EPHA3: variants seen among roughly 807,000 people sequenced by gnomAD.
The protein encoded by EPHA3 is ephrin type-A receptor 3.
EPHA3 carries 42 observed loss-of-function variants against 107.1 expected under a neutral mutation model. The ratio of observed to expected loss-of-function variants is 0.39; its 90% CI spans 0.31 to 0.51. EPHA3 has a LOEUF of 0.51. Ranked by LOEUF, EPHA3 falls within the 20% of genes least tolerant of loss-of-function variation. The pLI is 0.78. For synonymous variants in EPHA3, 461 were observed against 424.8 expected (o/e 1.09, Z -1.05); for missense variants, 1,183 against 1,211.2 (o/e 0.98, Z 0.35).
intron 3 of EPHA3, among the ~76,000 whole-genome samples, chr3:89,314,465 A>T (rs780401099): frequency 6.6e-6 from 1 of 152,004 alleles, no homozygotes; most frequent in Non-Finnish European, 1.5e-5. Context: ...TACTGTATTA[A>T]TCAAAGATCC....
At chr3:89,324,626 A>T (rs1475613078) in intron 3 of EPHA3, among the ~76,000 whole-genome samples, 1 of 152,108 alleles carries the variant, frequency 6.6e-6, no homozygotes, top group African/African-American at 2.4e-5. Context: ...TTATACATAC[A>T]CACTGTGAAA....
intron 2 of EPHA3, among the ~76,000 whole-genome samples, chr3:89,139,546 A>T (rs955178870): frequency 2.6e-5 from 4 of 151,854 alleles, no homozygotes; most frequent in African/African-American, 9.7e-5. Context: ...ATCTTGTGAA[A>T]ACGTTTATTG....
chr3:89,390,912 C>T (rs1373650414), intron 5 of EPHA3, among the ~76,000 whole-genome samples: 3 of 151,416 alleles, frequency 2.0e-5, no homozygotes, highest in African/African-American at 4.9e-5. Context: ...CTCAGCCTCC[C>T]GAGTAGCTGG....
chr3:89,237,583 G>A (rs989555796), intron 3 of EPHA3, among the ~76,000 whole-genome samples: 11 of 152,106 alleles, frequency 7.2e-5, no homozygotes, highest in African/African-American at 2.7e-4. Context: ...AAAGTTAGTT[G>A]GTGGTGGATG....
At chr3:89,395,768 T>A in intron 5 of EPHA3, 69 bp from the exon 6 acceptor site, 1 of 1,577,218 alleles carries the variant, frequency 6.3e-7, no homozygotes. Flanking sequence ...CCCTCTGTTC[T>A]TATTCGCCAC....
intron 5 of EPHA3, among the ~76,000 whole-genome samples, chr3:89,373,882 T>C (rs1708352454): frequency 6.6e-6 from 1 of 151,862 alleles, no homozygotes; most frequent in Non-Finnish European, 1.5e-5. Flanking sequence ...TGTCATTACA[T>C]GGTTTTATTC....
chr3:89,442,541 A>G (rs1002378389), intron 13 of EPHA3, among the ~76,000 whole-genome samples: 1 of 152,180 alleles, frequency 6.6e-6, no homozygotes, highest in Non-Finnish European at 1.5e-5. Flanking sequence ...ACAGCGGCAG[A>G]AGTGCTGCTA....
Position 89,384,122 on chromosome 3 carries a change from A to G in EPHA3, c.1307-11715A>G, listed in dbSNP as rs192127662. On this transcript the variant is annotated intron_variant, in intron 5 of 16. Transcript: ENST00000336596. ...TTTATTGTTCAGACTAAAAAGTTGT[A>G]TAAGATACTATCTAATTTTTTTCTA... Among the ~76,000 whole-genome samples the G allele has an allele frequency of 6.2e-4, 94 of 152,234 alleles. 1 individual carries two copies. Among genetic ancestry groups the G allele is most frequent in the Admixed American group, 2.0e-4 (3 of 15,294 alleles).
intron 3 of EPHA3, among the ~76,000 whole-genome samples, chr3:89,285,296 C>A (rs1297824411): frequency 6.6e-6 from 1 of 152,100 alleles, no homozygotes; most frequent in Non-Finnish European, 1.5e-5. Context: ...GGTTTACCTT[C>A]ATTTACTCTT....
intron 2 of EPHA3, among the ~76,000 whole-genome samples, chr3:89,143,152 A>T (rs935259314): frequency 1.3e-5 from 2 of 151,330 alleles, no homozygotes; most frequent in Non-Finnish European, 3.0e-5. Flanking sequence ...ATACCTACAG[A>T]GTTTGGGAAA....
At chr3:89,175,919 T>C (rs1705311846) in intron 2 of EPHA3, among the ~76,000 whole-genome samples, 1 of 152,076 alleles carries the variant, frequency 6.6e-6, no homozygotes, top group Non-Finnish European at 1.5e-5. Flanking sequence ...GTTATTGTTG[T>C]TTTTTTACAG....
chr3:89,273,233 T>C (rs1487359355), intron 3 of EPHA3, among the ~76,000 whole-genome samples: 1 of 151,982 alleles, frequency 6.6e-6, no homozygotes, highest in Non-Finnish European at 1.5e-5. Flanking sequence ...TAATGGAATA[T>C]GGAAATGCTT....
At chr3:89,177,339 G>C (rs530815276) in intron 2 of EPHA3, among the ~76,000 whole-genome samples, 1 of 152,234 alleles carries the variant, frequency 6.6e-6, no homozygotes, top group African/African-American at 2.4e-5. Flanking sequence ...TAAAATCTCT[G>C]GGGGACATCC....
rs770590779 is a variant in EPHA3 at position 89,130,577 on chromosome 3, A to T, written c.153+3304A>T. Reference sequence around the variant, plus strand: ...CCTCCAAAGACGTATTCATACATGAAACTTTACAATTCACCTAGGTAATTT... The same window carrying T: ...CCTCCAAAGACGTATTCATACATGATACTTTACAATTCACCTAGGTAATTT... On this transcript the variant is annotated intron_variant, in intron 2 of 16. Transcript: ENST00000336596. 1.5e-4 allele frequency among the ~76,000 whole-genome samples: 22 copies of T among 151,652 alleles called. No individual in the cohort carries two copies. In the South Asian group the frequency reaches 1.7e-3, roughly 11 times the overall value.
intron 5 of EPHA3, among the ~76,000 whole-genome samples, chr3:89,361,201 G>C (rs1708083745): frequency 6.6e-6 from 1 of 150,924 alleles, no homozygotes. Context: ...GTACAGAGAA[G>C]GCCTTCTTGT....
At chr3:89,272,455 T>C (rs965146787) in intron 3 of EPHA3, among the ~76,000 whole-genome samples, 4 of 151,982 alleles carry the variant, frequency 2.6e-5, no homozygotes, top group African/African-American at 9.7e-5. Flanking sequence ...CTCTTAAAAA[T>C]GATGCAGTGT....
chr3:89,395,965 G>A lies in EPHA3; in HGVS notation c.1431+4G>A. ...CGAGGTCAAATACTATGAAAAGGTGGGGAAACAATGTTTAAGGGTTGGGCT... is the reference window on the plus strand; with the variant it reads ...CGAGGTCAAATACTATGAAAAGGTGAGGAAACAATGTTTAAGGGTTGGGCT... On this transcript the variant is annotated splice_donor_region_variant and intron_variant, in intron 6 of 16. Transcript: ENST00000336596. The A allele has an allele frequency of 6.2e-7, 1 of 1,613,580 alleles. No individual in the cohort carries two copies. The highest frequency in any genetic ancestry group is 1.7e-5 in the Admixed American group (1 of 59,982).
At chr3:89,448,710 A>C (rs1419101775) in intron 13 of EPHA3, among the ~76,000 whole-genome samples, 2 of 152,100 alleles carry the variant, frequency 1.3e-5, no homozygotes, top group Admixed American at 6.6e-5. Flanking sequence ...AGTTTTTTAA[A>C]ATATAATTTT....
intron 3 of EPHA3, among the ~76,000 whole-genome samples, chr3:89,215,170 C>T (rs1315808810): frequency 3.3e-5 from 5 of 151,830 alleles, no homozygotes; most frequent in Non-Finnish European, 7.4e-5. Context: ...ATTATGTATA[C>T]TTAAGAATGG....
Sources: gnomAD v4.1 joint callset for allele counts (sites outside exome capture counted in the v4.1 genomes callset) on GRCh38, gnomAD v4.1.1 for gene constraint, MANE v1.5 for transcripts, NCBI Gene and HGNC (gene_info 2026-07-23, HGNC 2026-07-21) for gene names.